The following MCF2L variants were observed in gnomAD, a reference collection of about 807,000 sequenced individuals.
The protein encoded by MCF2L is guanine nucleotide exchange factor DBS.
A neutral mutation model predicts 153.4 loss-of-function variants in MCF2L; 97 were observed. The ratio of observed to expected loss-of-function variants is 0.63; its 90% CI spans 0.54 to 0.75. The LOEUF is 0.75. Among genes scored for constraint, MCF2L ranks in the 30% least tolerant of loss-of-function variants. MCF2L has a pLI of 0.00. For synonymous variants in MCF2L, 659 were observed against 632.2 expected (o/e 1.04, Z -0.64); for missense variants, 1,347 against 1,495.2 (o/e 0.90, Z 1.64).
Position 113,096,901 on chromosome 13 carries a change from C to CG in MCF2L, c.*44dup. ...GAGACCCGCGCGCTGTCTGGGGCTG[C>CG]GGTGGCGTGGGGAGGGCGCGGCCCC... On this transcript the variant is annotated 3_prime_UTR_variant, in exon 30 of 30. Coordinates refer to ENST00000535094, the MANE Select transcript of MCF2L (RefSeq NM_001112732.3). 1 of 1,292,246 alleles carries CG rather than the reference C, an allele frequency of 7.7e-7. No individual in the cohort carries two copies. The highest frequency in any genetic ancestry group is 2.0e-5 in the South Asian group (1 of 50,788). The allele number at this position is 1,292,246 out of a possible 1,614,324, so 80.0% of individuals were successfully genotyped here. A position where few individuals can be genotyped will look rare whatever the true frequency, so the allele number is the denominator to read the frequency against.
At chr13:113,066,200 C>T in intron 8 of MCF2L, 30 bp downstream of exon 8, 2 of 1,582,744 alleles carry the variant, frequency 1.3e-6, no homozygotes, top group Non-Finnish European at 1.7e-6. Context: ...CTGCCCTCAT[C>T]CTGTCCCAGT....
chr13:113,080,469 C>T (rs1355799520), intron 15 of MCF2L, among the ~76,000 whole-genome samples: 8 of 152,204 alleles, frequency 5.3e-5, no homozygotes, highest in East Asian at 1.9e-4. Flanking sequence ...CTCTGCGGGC[C>T]GACAGCTGTC....
intron 1 of MCF2L, among the ~76,000 whole-genome samples, chr13:112,999,710 C>CT (rs2083282931): frequency 6.6e-6 from 1 of 152,186 alleles, no homozygotes; most frequent in South Asian, 2.1e-4. Context: ...GCGTGCTTTG[C>CT]TGTTGGGGGT....
intron 25 of MCF2L, among the ~76,000 whole-genome samples, chr13:113,088,845 G>A (rs1269135223): frequency 6.6e-6 from 1 of 152,180 alleles, no homozygotes; most frequent in Non-Finnish European, 1.5e-5. Context: ...AGCTCTTCCC[G>A]GGGTGGGCTG....
chr13:113,096,828 G>A lies in MCF2L; in HGVS notation c.3347G>A (p.Gly1116Asp), dbSNP rs748415340. 10 of 1,525,038 alleles carry A rather than the reference G, an allele frequency of 6.6e-6. No individual in the cohort carries two copies. The highest frequency in any genetic ancestry group is 8.7e-6 in the Non-Finnish European group (10 of 1,146,724). The allele number at this position is 1,525,038 out of a possible 1,614,324, so 94.5% of individuals were successfully genotyped here. Residue 1116 changes from glycine to aspartate, a missense_variant, in exon 30 of 30, where the codon GGC becomes GAC. By Grantham distance (94) the Gly-to-Asp change is moderately conservative. Coordinates refer to ENST00000535094, the MANE Select transcript of MCF2L (RefSeq NM_001112732.3). ...AACTCGTCCAGCTGCAGCGAGGGCG[G>A]CCAGGCCCCCTTCTCCGACCTGCAG... ...LSNSSSCSEG[G>D]QAPFSDLQG
upstream of MCF2L, chr13:112,969,151 T>G: frequency 7.7e-6 from 3 of 389,098 alleles, no homozygotes; most frequent in East Asian, 8.2e-5. This position sits in a 1 kb window ranked among gnomAD's most constrained non-coding sequence, Gnocchi z 4.8. Context: ...CGCGCGCCGC[T>G]TCCGCTTCCG....
At chr13:113,078,942 C>T (rs1301741071) in intron 15 of MCF2L, among the ~76,000 whole-genome samples, 2 of 152,246 alleles carry the variant, frequency 1.3e-5, no homozygotes, top group East Asian at 1.9e-4. Flanking sequence ...GTGAAGCACA[C>T]ACACGCCGCA....
Position 113,058,042 on chromosome 13 carries a change from AGGTGCTGAGTGTTTG to A in MCF2L, c.370-2536_370-2522del, listed in dbSNP as rs1369886437. Among the ~76,000 whole-genome samples the A allele has an allele frequency of 2.9e-3, 216 of 75,272 alleles. 1 individual carries two copies. The highest frequency in any genetic ancestry group is 0.011 in the African/African-American group (203 of 18,564). 49.4% of individuals were successfully genotyped at this position (75,272 alleles called of 152,430 possible). The stretch of plus-strand genomic sequence containing the variant: ...GACACTGAATGGGTGCTGAGTGTTT[AGGTGCTGAGTGTTTG>A]GGTGCTGAGTGTTTCGGTGCTGTTT... On this transcript the variant is annotated intron_variant, in intron 4 of 29. Transcript: ENST00000535094.
At chr13:112,905,155 C>A (rs2081159904) in intron 2 of MCF2L, among the ~76,000 whole-genome samples, 1 of 152,212 alleles carries the variant, frequency 6.6e-6, no homozygotes, top group Non-Finnish European at 1.5e-5. Flanking sequence ...CTCAACAAGG[C>A]AAATTTACTT....
chr13:113,095,068 T>C, intron 27 of MCF2L: 1 of 1,367,766 alleles, frequency 7.3e-7, no homozygotes. Context: ...ATGCTGTCAC[T>C]GAGCCTTCCT....
intron 1 of MCF2L, among the ~76,000 whole-genome samples, chr13:112,982,982 G>A (rs1022239154): frequency 6.6e-6 from 1 of 152,176 alleles, no homozygotes; most frequent in Non-Finnish European, 1.5e-5. Flanking sequence ...CGAGTCCATG[G>A]TGGTGACGCT....
At chr13:113,094,410 CACACATT>C (rs1595042185) in intron 26 of MCF2L, 97 bp from the exon 27 acceptor site, 2 of 1,253,466 alleles carry the variant, frequency 1.6e-6, no homozygotes, top group Middle Eastern at 2.0e-4. Context: ...GGGCCCACGG[CACACATT>C]TCAGGGGGTC....
chr13:113,080,778 G>T (rs1263913842), intron 15 of MCF2L, among the ~76,000 whole-genome samples: 1 of 152,238 alleles, frequency 6.6e-6, no homozygotes, highest in African/African-American at 2.4e-5. Context: ...CACGAGGAAG[G>T]CTCAGGGAGG....
chr13:113,097,140 G>T lies in MCF2L; in HGVS notation c.*281G>T, dbSNP rs1260895692. 2 of 321,624 alleles carry T rather than the reference G, an allele frequency of 6.2e-6. No homozygotes were observed. The highest frequency in any genetic ancestry group is 1.0e-4 in the East Asian group (2 of 19,978). The allele number at this position is 321,624 out of a possible 1,614,324, so 19.9% of individuals were successfully genotyped here. On this transcript the variant is annotated 3_prime_UTR_variant, in exon 30 of 30. Transcript: ENST00000535094. Reference sequence around the variant, plus strand: ...AGCGGCATCTCGTCCTGGCTCCACCGTGCTGCTTCTGCCTCTGGACGGTGC... The same window carrying T: ...AGCGGCATCTCGTCCTGGCTCCACCTTGCTGCTTCTGCCTCTGGACGGTGC...
intron 1 of MCF2L, among the ~76,000 whole-genome samples, chr13:112,971,001 G>T (rs2082020954): frequency 6.6e-6 from 1 of 152,172 alleles, no homozygotes; most frequent in African/African-American, 2.4e-5. Flanking sequence ...GCACCCTGTA[G>T]CGTTTAGTTA....
rs546004959 is a variant in MCF2L at position 112,898,865 on chromosome 13, T to A, written c.-4-3334T>A. On this transcript the variant is annotated intron_variant, in intron 1 of 29. Coordinates refer to the MCF2L transcript ENST00000375608. The stretch of plus-strand genomic sequence containing the variant: ...CCAGGTGCCACTCTTGGCCCTGAGC[T>A]TCTGCCCCTATCCTGCCTGACTTCT... 5.3e-5 allele frequency among the ~76,000 whole-genome samples: 8 copies of A among 152,260 alleles called. No individual in the cohort carries two copies. In the South Asian group the frequency reaches 1.7e-3, roughly 32 times the overall value.
rs527353200 is a variant in MCF2L, at chr13:113,011,962, G to A, written c.80-2801G>A. 3.5e-4 allele frequency among the ~76,000 whole-genome samples: 40 copies of A among 115,538 alleles called. 5 individuals carry two copies. In the South Asian group the frequency reaches 0.015, roughly 44 times the overall value. 75.8% of individuals were successfully genotyped at this position (115,538 alleles called of 152,430 possible). A position where few individuals can be genotyped will look rare whatever the true frequency, so the allele number is the denominator to read the frequency against. On this transcript the variant is annotated intron_variant, in intron 1 of 29. Coordinates refer to ENST00000535094, the MANE Select transcript of MCF2L (RefSeq NM_001112732.3). ...TGGATGGTGGACAGGCGGTGTGGAC[G>A]GTGGACAGGCTGGGTGGATGGTGGA...
In MCF2L at chr13:113,096,635, C is replaced by A; in HGVS notation, c.3274C>A (p.Gln1092Lys). Residue 1092 changes from glutamine (Q) to lysine (K), a missense_variant, in exon 29 of 30, where the codon CAG (glutamine) becomes AAG (lysine). By Grantham distance (53) the Gln-to-Lys change is moderately conservative. This residue lies in a region of MCF2L where 383 missense variants were observed against 335.4 expected (regional missense o/e 1.14). Coordinates refer to ENST00000535094, the MANE Select transcript of MCF2L (RefSeq NM_001112732.3). ...SVRLGPSGSA[Q>K]CLSSSESSPG... Reference sequence around the variant, plus strand: ...CCGGCTCGGCCCGTCCGGCTCGGCCCAGTGCCTGAGCAGCTCAGGTAAGGC... The same window carrying A: ...CCGGCTCGGCCCGTCCGGCTCGGCCAAGTGCCTGAGCAGCTCAGGTAAGGC... 6.3e-7 allele frequency: 1 copy of A among 1,590,784 alleles called. No individual in the cohort carries two copies. Among genetic ancestry groups the A allele is most frequent in the Non-Finnish European group, 8.5e-7 (1 of 1,174,788 alleles).
chr13:112,909,595 T>C (rs2993329), intron 2 of MCF2L: 289,024 of 380,928 alleles, frequency 0.76, 110,621 homozygotes, highest in South Asian at 0.88. Flanking sequence ...GATGAATCTC[T>C]TTGAAGGATC....
Sources: gnomAD v4.1 joint callset for allele counts (sites outside exome capture counted in the v4.1 genomes callset) on GRCh38, gnomAD v4.1.1 for gene constraint, gnomAD v4.1.1 regional missense constraint, Gnocchi (gnomAD v3.1) non-coding constraint, MANE v1.5 for transcripts, NCBI Gene and HGNC (gene_info 2026-07-23, HGNC 2026-07-21) for gene names.